The following ACTN2 variants were observed in gnomAD, a reference collection of about 807,000 sequenced individuals.
ACTN2 encodes alpha-actinin-2.
In ACTN2, 39 loss-of-function variants were observed where a neutral mutation model predicts 113.8. That is an observed-to-expected ratio of 0.34 (90% CI 0.27 to 0.45). The LOEUF (loss-of-function observed/expected upper bound fraction) is 0.45, where lower values mean the gene tolerates loss of function less well. ACTN2 is among the 20% of genes least tolerant of loss of function. The pLI is 1.00. For synonymous variants in ACTN2, 429 were observed against 444.1 expected (o/e 0.97, Z 0.43); for missense variants, 992 against 1,177.9 (o/e 0.84, Z 2.31).
chr1:236,735,813 T>A, intron 8 of ACTN2, 93 bp downstream of exon 8: 1 of 1,112,934 alleles, frequency 9.0e-7, no homozygotes. Flanking sequence ...GCGCTTCACA[T>A]CTTACCTTGG....
chr1:236,748,509 G>A (rs962453067), intron 13 of ACTN2, among the ~76,000 whole-genome samples: 1 of 152,138 alleles, frequency 6.6e-6, no homozygotes, highest in African/African-American at 2.4e-5. Flanking sequence ...TTAAAGCTAC[G>A]GAGATGCCTT....
chr1:236,713,071 C>T (rs977146926), intron 1 of ACTN2, among the ~76,000 whole-genome samples: 12 of 151,716 alleles, frequency 7.9e-5, no homozygotes, highest in African/African-American at 1.7e-4. Context: ...ACTGTAATAA[C>T]TTAATTATCC....
At chr1:236,709,066 T>G (rs151098173) in intron 1 of ACTN2, among the ~76,000 whole-genome samples, 1 of 151,654 alleles carries the variant, frequency 6.6e-6, no homozygotes, top group East Asian at 1.9e-4. Flanking sequence ...TGGAGCATTT[T>G]TAGAACAGCA....
At chr1:236,728,364 C>T (rs926631279) in intron 6 of ACTN2, among the ~76,000 whole-genome samples, 7 of 152,046 alleles carry the variant, frequency 4.6e-5, no homozygotes, top group African/African-American at 1.4e-4. Flanking sequence ...AGGATGGTCT[C>T]GATCTCCTGA....
At position 236,720,148 on chromosome 1, in the gene ACTN2, G is replaced by T; in HGVS notation, c.405G>T (p.Trp135Cys). 6.2e-7 allele frequency: 1 copy of T among 1,613,876 alleles called. No homozygotes were observed. Among genetic ancestry groups the T allele is most frequent in the Non-Finnish European group, 8.5e-7 (1 of 1,179,796 alleles). The change falls in exon 4 of 21, where the codon TGG (tryptophan) becomes TGT (cysteine). Residue 135 changes from tryptophan to cysteine, a missense_variant. Transcript: ENST00000366578. Reference sequence around the variant, plus strand: ...TGAAAATGACCCTGGGTATGATCTGGACCATCATCCTTCGCTTTGCTATTC... The same window carrying T: ...TGAAAATGACCCTGGGTATGATCTGTACCATCATCCTTCGCTTTGCTATTC... ...GNVKMTLGMI[W>C]TIILRFAIQD...
In ACTN2 at chr1:236,762,561, C is replaced by T; in HGVS notation, c.2627C>T (p.Pro876Leu). Residue 876 changes from proline (P) to leucine (L), a missense_variant, in exon 21 of 21, where the codon CCT becomes CTT. By Grantham distance (98) the Pro-to-Leu change is moderately conservative (BLOSUM62 -3). Transcript: ENST00000366578. ...MPAYSGPGSV[P>L]GALDYAAFSS... Reference sequence around the variant, plus strand: ...GCCTACTCGGGCCCAGGCAGTGTGCCTGGTGCACTGGATTACGCTGCGTTC... The same window carrying T: ...GCCTACTCGGGCCCAGGCAGTGTGCTTGGTGCACTGGATTACGCTGCGTTC... 6.2e-7 allele frequency: 1 copy of T among 1,614,192 alleles called. No individual in the cohort carries two copies. The highest frequency in any genetic ancestry group is 8.5e-7 in the Non-Finnish European group (1 of 1,180,034).
At chr1:236,745,816 G>A (rs1041856841) in intron 12 of ACTN2, among the ~76,000 whole-genome samples, 3 of 152,044 alleles carry the variant, frequency 2.0e-5, no homozygotes, top group African/African-American at 4.8e-5. Flanking sequence ...TCACATAATG[G>A]TAACTTCAAA....
In ACTN2 at chr1:236,723,487, C is replaced by T. The variant is rs1658460360; in HGVS notation, c.449-2446C>T. On this transcript the variant is annotated intron_variant, in intron 4 of 20. Coordinates refer to ENST00000366578, the MANE Select transcript of ACTN2 (RefSeq NM_001103.4). The stretch of plus-strand genomic sequence containing the variant: ...TTGTTTTGTTTTGTTTTGTTTGAGA[C>T]AGGAGTCTCACTCTGTCACCCAGGC... Among the ~76,000 whole-genome samples, 4 of 152,178 alleles carry T rather than the reference C, an allele frequency of 2.6e-5. No individual in the cohort carries two copies. In the South Asian group the frequency reaches 8.3e-4, roughly 32 times the overall value.
intron 1 of ACTN2, among the ~76,000 whole-genome samples, chr1:236,705,615 A>G (rs1249217403): frequency 6.6e-6 from 1 of 152,232 alleles, no homozygotes; most frequent in Non-Finnish European, 1.5e-5. Context: ...AGATTTGTAG[A>G]AGAGCCTAGA....
intron 1 of ACTN2, among the ~76,000 whole-genome samples, chr1:236,690,935 C>CTT (rs34214344): frequency 1.1e-4 from 11 of 103,286 alleles, no homozygotes; most frequent in African/African-American, 2.1e-4. Context: ...CTCGGGTGTA[C>CTT]TTTTTTTTTT....
At chr1:236,709,255 T>TATACACACAC (rs796606511) in intron 1 of ACTN2, among the ~76,000 whole-genome samples, 99 of 68,880 alleles carry the variant, frequency 1.4e-3, no homozygotes, top group South Asian at 5.5e-3. Flanking sequence ...TATATATATA[T>TATACACACAC]ACACACACAC....
chr1:236,717,335 G>A (rs1164730748), intron 1 of ACTN2, among the ~76,000 whole-genome samples: 2 of 152,102 alleles, frequency 1.3e-5, no homozygotes, highest in Admixed American at 6.5e-5. Flanking sequence ...TACTTAGGGG[G>A]CTGAGGCAGG....
chr1:236,694,354 C>T (rs1396645422), intron 1 of ACTN2, among the ~76,000 whole-genome samples: 1 of 151,884 alleles, frequency 6.6e-6, no homozygotes, highest in Non-Finnish European at 1.5e-5. Context: ...TCCTGAGTAG[C>T]TGGGATTACA....
chr1:236,739,369 C>T lies in ACTN2; in HGVS notation c.944C>T (p.Ala315Val), dbSNP rs779193065. The T allele has an allele frequency of 1.2e-6, 2 of 1,614,060 alleles. No individual in the cohort carries two copies. Among genetic ancestry groups the T allele is most frequent in the South Asian group, 1.1e-5 (1 of 91,064 alleles). The change falls in exon 10 of 21, where the codon GCC becomes GTC. Residue 315 changes from alanine to valine, a missense_variant. Physicochemically the swap from Ala to Val is moderately conservative, Grantham distance 64 (BLOSUM62 0). Coordinates refer to ENST00000366578, the MANE Select transcript of ACTN2 (RefSeq NM_001103.4). Reference protein sequence around the residue: ...ENRTPEKTMQAMQKKLEDFRD... With the variant: ...ENRTPEKTMQVMQKKLEDFRD... ...CGGACTCCCGAGAAGACCATGCAAG[C>T]CATGCAGAAGAAGCTGGAGGACTTC...
chr1:236,739,539 A>G lies in ACTN2; in HGVS notation c.1107+7A>G, dbSNP rs1394794170. 2.5e-6 allele frequency: 4 copies of G among 1,613,770 alleles called. No individual in the cohort carries two copies. In the South Asian group the frequency reaches 4.4e-5, roughly 18 times the overall value. On this transcript the variant is annotated splice_region_variant and intron_variant, in intron 10 of 20. Transcript: ENST00000366578. The stretch of plus-strand genomic sequence containing the variant: ...CGAGGGCAAGATGGTGTCGGTGAGT[A>G]GCAAGCGCCAAGCCCTCCTGGCGCC...
chr1:236,713,471 C>T (rs867595055), intron 1 of ACTN2, among the ~76,000 whole-genome samples: 1 of 152,182 alleles, frequency 6.6e-6, no homozygotes, highest in African/African-American at 2.4e-5. Flanking sequence ...AAGTGATCCA[C>T]CCACTTTGGC....
chr1:236,748,919 G>T lies in ACTN2; in HGVS notation c.1516-205G>T, dbSNP rs3818884. ...AAAATGAGGCTGCTCTGGATGTTATGAAATCCTTCTTTGATTCAGAAGGCA... is the reference window on the plus strand; with the variant it reads ...AAAATGAGGCTGCTCTGGATGTTATTAAATCCTTCTTTGATTCAGAAGGCA... On this transcript the variant is annotated intron_variant, in intron 13 of 20. Coordinates refer to ENST00000366578, the MANE Select transcript of ACTN2 (RefSeq NM_001103.4). 0.8 allele frequency among the ~76,000 whole-genome samples: 122,266 copies of T among 152,114 alleles called. 50,006 individuals are homozygous for T. Among genetic ancestry groups the T allele is most frequent in the Non-Finnish European group, 0.88 (59,770 of 68,016 alleles).
intron 12 of ACTN2, among the ~76,000 whole-genome samples, chr1:236,747,111 C>T (rs1659260351): frequency 6.6e-6 from 1 of 152,172 alleles, no homozygotes. Context: ...GGGACATTGC[C>T]ACTTAGAAAT....
chr1:236,733,439 A>C (rs1054471924), intron 7 of ACTN2, among the ~76,000 whole-genome samples: 4 of 152,208 alleles, frequency 2.6e-5, no homozygotes, highest in Admixed American at 6.5e-5. Flanking sequence ...CATTCTGCTC[A>C]TCCTTCCAGG....
Sources: allele counts gnomAD v4.1 joint callset (sites outside exome capture counted in the v4.1 genomes callset), GRCh38; gene constraint gnomAD v4.1.1; transcripts MANE v1.5; gene names NCBI Gene and HGNC (gene_info 2026-07-23, HGNC 2026-07-21).